Variants in MDM1 observed in about 807,000 individuals in gnomAD.
MDM1 encodes Mdm1 nuclear protein.
MDM1 carries 61 observed loss-of-function variants against 89.1 expected under a neutral mutation model. The ratio of observed to expected loss-of-function variants is 0.68; its 90% CI spans 0.56 to 0.85. MDM1 has a LOEUF of 0.85. MDM1 is among the 40% of genes least tolerant of loss of function. MDM1 has a pLI of 0.00. For synonymous variants in MDM1, 290 were observed against 294.1 expected (o/e 0.99, Z 0.14); for missense variants, 820 against 846.5 (o/e 0.97, Z 0.39).
chr12:68,325,428 T>C lies in MDM1; in HGVS notation c.633+13A>G. ...TAATGGTACTCAGAAATGTATTACA[T>C]CCATTAAGCTACCTGATTGGCTGCA... On this transcript the variant is annotated intron_variant, in intron 4 of 14. Coordinates refer to ENST00000682720, the MANE Select transcript of MDM1 (RefSeq NM_001354969.2). The C allele has an allele frequency of 6.5e-7, 1 of 1,546,444 alleles. No individual in the cohort carries two copies. Among genetic ancestry groups the C allele is most frequent in the East Asian group, 2.3e-5 (1 of 42,912 alleles).
At chr12:68,296,232 G>A (rs1263795292) in intron 14 of MDM1, among the ~76,000 whole-genome samples, 2 of 152,234 alleles carry the variant, frequency 1.3e-5, no homozygotes, top group Non-Finnish European at 2.9e-5. Flanking sequence ...GGGCATGGTG[G>A]CTCACGCCTG....
At chr12:68,297,888 A>T (rs925558744) in intron 13 of MDM1, among the ~76,000 whole-genome samples, 3 of 152,238 alleles carry the variant, frequency 2.0e-5, no homozygotes, top group African/African-American at 7.2e-5. Context: ...AAATCTTTTT[A>T]AAAAACTAAC....
intron 14 of MDM1, among the ~76,000 whole-genome samples, chr12:68,296,370 T>C (rs1296388446): frequency 1.3e-5 from 2 of 152,122 alleles, no homozygotes; most frequent in African/African-American, 2.4e-5. Context: ...TGGTAGCGGA[T>C]GCCTGTAATC....
intron 3 of MDM1, 176 bp downstream of exon 3, chr12:68,326,481 T>C: frequency 6.6e-7 from 1 of 1,510,372 alleles, no homozygotes; most frequent in Non-Finnish European, 8.8e-7. Context: ...GTAGTCAGAA[T>C]AGAACTAATT....
chr12:68,310,127 C>T (rs902053347), intron 12 of MDM1, among the ~76,000 whole-genome samples: 14 of 152,174 alleles, frequency 9.2e-5, no homozygotes, highest in Non-Finnish European at 8.8e-5. Context: ...TCTGCCACCA[C>T]GCCCAGCTAA....
intron 4 of MDM1, 56 bp from the exon 5 acceptor site, chr12:68,323,296 G>T (rs1365991160): frequency 3.5e-5 from 44 of 1,272,056 alleles, no homozygotes; most frequent in Non-Finnish European, 4.5e-5. Flanking sequence ...CGGAACTTTG[G>T]TCTTCAATTA....
At chr12:68,295,478 AGTTAGTCAGG>A in intron 14 of MDM1, 112 bp from the exon 15 acceptor site, 2 of 661,540 alleles carry the variant, frequency 3.0e-6, no homozygotes, top group Admixed American at 6.6e-5. Flanking sequence ...ATCAATGTCA[AGTTAGTCAGG>A]AAAAAAAGTA....
rs766011044 is a variant in MDM1, at chr12:68,313,756, A to G, written c.1530-3T>C. Reference sequence around the variant, plus strand: ...CTGAGGATACAGAAGAATCTGACCTATAAATTGAAACAATCTATGAATCTA... The same window carrying G: ...CTGAGGATACAGAAGAATCTGACCTGTAAATTGAAACAATCTATGAATCTA... On this transcript the variant is annotated splice_polypyrimidine_tract_variant and splice_region_variant and intron_variant, in intron 10 of 14. Coordinates refer to ENST00000682720, the MANE Select transcript of MDM1 (RefSeq NM_001354969.2). 1 of 1,596,860 alleles carries G rather than the reference A, an allele frequency of 6.3e-7. No individual in the cohort carries two copies. The highest frequency in any genetic ancestry group is 1.3e-5 in the African/African-American group (1 of 74,516).
chr12:68,295,687 T>C (rs1871285063), intron 14 of MDM1, among the ~76,000 whole-genome samples: 2 of 152,324 alleles, frequency 1.3e-5, no homozygotes, highest in Admixed American at 1.3e-4. Context: ...TTCATCATAA[T>C]ACTGTTTTAT....
Position 68,316,198 on chromosome 12 carries a change from T to C in MDM1, c.1091A>G (p.His364Arg), listed in dbSNP as rs1468677243. 4 of 1,614,034 alleles carry C rather than the reference T, an allele frequency of 2.5e-6. No individual in the cohort carries two copies. The East Asian group carries it at 8.9e-5, about 36-fold the overall frequency. ...EFYRKRVQGT[H>R]FSRDHLNQIL... Reference sequence around the variant, plus strand: ...CTGATTCAGATGGTCCCGAGAAAAATGCGTCCCCTGAACTCGCTTCCTATA... The same window carrying C: ...CTGATTCAGATGGTCCCGAGAAAAACGCGTCCCCTGAACTCGCTTCCTATA... The change falls in exon 9 of 15, where the codon CAT (histidine) becomes CGT (arginine). Residue 364 changes from histidine to arginine, a missense_variant. His to Arg is a conservative substitution (Grantham distance 29). Coordinates refer to ENST00000682720, the MANE Select transcript of MDM1 (RefSeq NM_001354969.2).
At chr12:68,329,554 A>T (rs7309790) in intron 2 of MDM1, among the ~76,000 whole-genome samples, 13,718 of 152,230 alleles carry the variant, frequency 0.09, 1,003 homozygotes, top group African/African-American at 0.21. Context: ...TATGCAACAG[A>T]CTTCCTAAAA....
At position 68,315,063 on chromosome 12, in the gene MDM1, C is replaced by T. The variant is rs750682129; in HGVS notation, c.1414G>A (p.Glu472Lys). 1.7e-5 allele frequency: 27 copies of T among 1,613,994 alleles called. No homozygotes were observed. The highest frequency in any genetic ancestry group is 2.1e-5 in the Non-Finnish European group (25 of 1,180,038). Residue 472 changes from glutamate to lysine, a missense_variant, in exon 10 of 15, where the codon GAG becomes AAG. Transcript: ENST00000682720. ...DVQKQPGEKE[E>K]EDDNEEEGDR... Reference sequence around the variant, plus strand: ...CCTTCCTCTTCATTGTCGTCCTCCTCCTCTTTCTCCCCGGGCTGTTTCTGT... The same window carrying T: ...CCTTCCTCTTCATTGTCGTCCTCCTTCTCTTTCTCCCCGGGCTGTTTCTGT...
rs1408015795 is a variant in MDM1, at chr12:68,325,569, T to C, written c.505A>G (p.Arg169Gly). Residue 169 changes from arginine (R) to glycine (G), a missense_variant, in exon 4 of 15, where the codon AGA becomes GGA. By Grantham distance (125) the Arg-to-Gly change is moderately radical. Coordinates refer to ENST00000682720, the MANE Select transcript of MDM1 (RefSeq NM_001354969.2). ...AATCCAGCTTTCTTACGCAGAAGTC[T>C]ATCCAACTGTTCAAAAAACAAAATC... ...LSENVDNGLD[R>G]LLRKKAGLTV... is the part of the protein sequence containing the mutation. The C allele has an allele frequency of 2.0e-6, 3 of 1,528,758 alleles. No individual in the cohort carries two copies. The highest frequency in any genetic ancestry group is 2.4e-5 in the East Asian group (1 of 42,230). The allele number at this position is 1,528,758 out of a possible 1,614,324, so 94.7% of individuals were successfully genotyped here.
In MDM1 at chr12:68,315,091, G is replaced by A. The variant is rs547683606; in HGVS notation, c.1386C>T (p.Asp462=). ...CTTTCTCCCCGGGCTGTTTCTGTAC[G>A]TCTTCACTTGTGTTCTCTGTATCCC... ...LAWDTENTSE[D]VQKQPGEKEE... The change falls in exon 10 of 15, where the codon GAC becomes GAT. Residue 462 remains aspartate (D), a synonymous_variant. Transcript: ENST00000682720. 43 of 1,613,840 alleles carry A rather than the reference G, an allele frequency of 2.7e-5. No individual in the cohort carries two copies. Among genetic ancestry groups the A allele is most frequent in the South Asian group, 1.6e-4 (15 of 91,056 alleles).
At chr12:68,327,192 C>T in intron 2 of MDM1, 171 bp from the exon 3 acceptor site, 1 of 1,390,584 alleles carries the variant, frequency 7.2e-7, no homozygotes, top group Non-Finnish European at 9.3e-7. Context: ...TACAGCTTTT[C>T]AACATAAAAT....
At chr12:68,303,272 T>C (rs1872466314) in intron 12 of MDM1, among the ~76,000 whole-genome samples, 1 of 152,134 alleles carries the variant, frequency 6.6e-6, no homozygotes, top group African/African-American at 2.4e-5. Context: ...TTACTAATGA[T>C]CAAATAATTA....
At chr12:68,316,928 G>C (rs1383283411) in intron 7 of MDM1, among the ~76,000 whole-genome samples, 2 of 152,054 alleles carry the variant, frequency 1.3e-5, no homozygotes, top group East Asian at 3.9e-4. Context: ...TCATGGCTTT[G>C]TATACAGCTA....
rs149212766 is a variant in MDM1 at position 68,319,721 on chromosome 12, T to C, written c.1005+1626A>G. Among the ~76,000 whole-genome samples the C allele has an allele frequency of 5.5e-3, 842 of 152,322 alleles. 11 individuals carry two copies. The highest frequency in any genetic ancestry group is 0.019 in the African/African-American group (806 of 41,570). ...TTTTGAATTATTTTTCTCAAAGAAA[T>C]TAAGGCAAACTATACCACTAATTTA... On this transcript the variant is annotated intron_variant, in intron 7 of 14. Coordinates refer to ENST00000682720, the MANE Select transcript of MDM1 (RefSeq NM_001354969.2).
chr12:68,323,029 A>G (rs1391005761), intron 5 of MDM1, 44 bp downstream of exon 5: 2 of 1,558,872 alleles, frequency 1.3e-6, no homozygotes, highest in Admixed American at 4.3e-5. Context: ...GAGAATCTAA[A>G]ATAACGGGGA....
Sources: gnomAD v4.1 joint callset for allele counts (sites outside exome capture counted in the v4.1 genomes callset) on GRCh38, gnomAD v4.1.1 for gene constraint, MANE v1.5 for transcripts, NCBI Gene and HGNC (gene_info 2026-07-23, HGNC 2026-07-21) for gene names.